The following ATAD2B variants were observed in gnomAD, a reference collection of about 807,000 sequenced individuals.
ATAD2B encodes the protein ATPase family AAA domain containing 2B.
A neutral mutation model predicts 167.6 loss-of-function variants in ATAD2B; 40 were observed. The ratio of observed to expected loss-of-function variants is 0.24; its 90% CI spans 0.19 to 0.31. The LOEUF (loss-of-function observed/expected upper bound fraction) is 0.31, where lower values mean the gene tolerates loss of function less well. Among genes scored for constraint, ATAD2B ranks in the 10% least tolerant of loss-of-function variants. The pLI, the probability that ATAD2B is intolerant of heterozygous loss-of-function variation, is 1.00. For synonymous variants in ATAD2B, 579 were observed against 596.5 expected (o/e 0.97, Z 0.43); for missense variants, 1,242 against 1,757.2 (o/e 0.71, Z 5.24).
chr2:23,723,734 A>G, the ATAD2B span, among the ~76,000 whole-genome samples: 282 of 152,260 alleles, frequency 1.9e-3, 2 homozygotes, highest in African/African-American at 5.2e-3. Flanking sequence ...AAAATGAACT[A>G]CCATATGATC....
intron 13 of ATAD2B, among the ~76,000 whole-genome samples, chr2:23,852,410 C>T (rs992300583): frequency 1.3e-5 from 2 of 152,064 alleles, no homozygotes; most frequent in Admixed American, 6.5e-5. Flanking sequence ...CAGGCATGCA[C>T]CATCACACCC....
chr2:23,706,881 A>G, the ATAD2B span: 1 of 471,508 alleles, frequency 2.1e-6, no homozygotes, highest in Non-Finnish European at 3.7e-6. Context: ...AGGAACCACG[A>G]TCCCGCCATG....
At chr2:23,872,949 G>T in intron 8 of ATAD2B, 1 of 754,754 alleles carries the variant, frequency 1.3e-6, no homozygotes. Context: ...ACCAGTCGCT[G>T]AAGCAGTTCT....
chr2:23,861,692 T>A (rs951028139), intron 12 of ATAD2B, among the ~76,000 whole-genome samples: 3 of 152,212 alleles, frequency 2.0e-5, no homozygotes, highest in African/African-American at 4.8e-5. Context: ...TTAAAATTTT[T>A]AAATTAAATC....
chr2:23,870,184 G>A (rs1287549340), intron 8 of ATAD2B, among the ~76,000 whole-genome samples: 1 of 149,994 alleles, frequency 6.7e-6, no homozygotes, highest in African/African-American at 2.5e-5. Context: ...TCCAGCCTGG[G>A]TGACAGAGCA....
chr2:23,817,184 T>C (rs1572886163), intron 17 of ATAD2B, among the ~76,000 whole-genome samples: 1 of 152,210 alleles, frequency 6.6e-6, no homozygotes, highest in Non-Finnish European at 1.5e-5. Flanking sequence ...TGCAATTCCC[T>C]AGCTACTTAT....
downstream of ATAD2B, among the ~76,000 whole-genome samples, chr2:23,744,869 T>A (rs1336869172): frequency 6.6e-6 from 1 of 152,156 alleles, no homozygotes; most frequent in Non-Finnish European, 1.5e-5. Flanking sequence ...CTCTGAAATT[T>A]TTTCTTTTCA....
At chr2:23,799,618 T>C (rs1159683025) in intron 18 of ATAD2B, among the ~76,000 whole-genome samples, 1 of 149,994 alleles carries the variant, frequency 6.7e-6, no homozygotes, top group East Asian at 1.9e-4. Context: ...TTTAAAATGA[T>C]TGGGATTATC....
intron 7 of ATAD2B, among the ~76,000 whole-genome samples, chr2:23,876,235 G>A (rs995008777): frequency 1.3e-5 from 2 of 151,488 alleles, no homozygotes; most frequent in Non-Finnish European, 2.9e-5. Flanking sequence ...CTCATCATCC[G>A]CCCACCTCGG....
intron 22 of ATAD2B, among the ~76,000 whole-genome samples, chr2:23,778,689 AG>A (rs1474577433): frequency 2.0e-5 from 3 of 152,226 alleles, no homozygotes; most frequent in South Asian, 2.1e-4. Context: ...CAATTTCATA[AG>A]GTTCAACCTA....
the ATAD2B span, among the ~76,000 whole-genome samples, chr2:23,730,611 A>G: frequency 7.7e-6 from 1 of 130,502 alleles, no homozygotes; most frequent in Admixed American, 9.4e-5. Context: ...GCTTGTAGTG[A>G]GCCGAGATCA....
At chr2:23,707,482 G>A in the ATAD2B span, 6,409 of 152,330 alleles carry the variant, frequency 0.042, 198 homozygotes, top group Middle Eastern at 0.071. Flanking sequence ...AGTGCCAGAG[G>A]GGGGCTTTTG....
the ATAD2B span, chr2:23,696,003 C>T: frequency 7.7e-6 from 12 of 1,551,658 alleles, 1 homozygote; most frequent in African/African-American, 5.5e-5. The surrounding 1 kb of genome is among the most constrained non-coding windows in gnomAD (Gnocchi z 5.5). Context: ...TGGGGATGAC[C>T]CAGCGCTCGC....
chr2:23,721,639 C>T, the ATAD2B span, among the ~76,000 whole-genome samples: 1 of 152,198 alleles, frequency 6.6e-6, no homozygotes, highest in Non-Finnish European at 1.5e-5. Context: ...AAGCAGCCCT[C>T]TGGGCCACCA....
chr2:23,777,394 G>C (rs138405210), intron 22 of ATAD2B, among the ~76,000 whole-genome samples: 3 of 82,242 alleles, frequency 3.6e-5, no homozygotes, highest in Non-Finnish European at 5.0e-5. Flanking sequence ...CTATATCTTG[G>C]TCTCAAAAGG....
rs745431277 is a variant in ATAD2B, at chr2:23,887,976, C to T, written c.428G>A (p.Ser143Asn). The T allele has an allele frequency of 4.4e-6, 7 of 1,585,096 alleles. No individual in the cohort carries two copies. The highest frequency in any genetic ancestry group is 2.7e-5 in the African/African-American group (2 of 72,906). ...PNGHSGLSLR[S>N]HPLRGEKKGD... ...CTTCTTTTCCCCTCGAAGGGGATGG[C>T]TTCGAAGGGCTACAAGAAGAGAGAT... The change falls in exon 4 of 28, where the codon AGC (serine) becomes AAC (asparagine). Residue 143 changes from serine (S) to asparagine (N), a missense_variant. By Grantham distance (46) the Ser-to-Asn change is conservative (BLOSUM62 1). This residue lies in a region of ATAD2B where 199 missense variants were observed against 194.9 expected (regional missense o/e 1.02). Transcript: ENST00000238789.
At position 23,875,855 on chromosome 2, in the gene ATAD2B, T is replaced by G; in HGVS notation, c.951A>C (p.Arg317Ser). 6.2e-7 allele frequency: 1 copy of G among 1,610,402 alleles called. No individual in the cohort carries two copies. Among genetic ancestry groups the G allele is most frequent in the Non-Finnish European group, 8.5e-7 (1 of 1,178,058 alleles). The stretch of plus-strand genomic sequence containing the variant: ...TAATATGGCTTCTTCTTGCTGGAGA[T>G]CTATGAATATCAAACAGCGTGTTTT... ...KRENTLFDIH[R>S]SPARRSHIRR... Residue 317 changes from arginine to serine, a missense_variant, in exon 8 of 28, where the codon AGA becomes AGC. By Grantham distance (110) the Arg-to-Ser change is moderately radical (BLOSUM62 -1). Around this residue, in one of 9 missense-constraint regions of ATAD2B, gnomAD observed 127 missense variants for 146.3 expected, o/e 0.87. Coordinates refer to ENST00000238789, the MANE Select transcript of ATAD2B (RefSeq NM_017552.4).
chr2:23,800,835 A>G (rs1683379975), intron 18 of ATAD2B, among the ~76,000 whole-genome samples: 1 of 152,054 alleles, frequency 6.6e-6, no homozygotes, highest in Admixed American at 6.6e-5. Context: ...AAAAATTTAT[A>G]TTTGAAAACC....
At chr2:23,914,562 C>T (rs1001018851) in intron 1 of ATAD2B, among the ~76,000 whole-genome samples, 1 of 151,904 alleles carries the variant, frequency 6.6e-6, no homozygotes, top group Non-Finnish European at 1.5e-5. Flanking sequence ...ACTCTCGGCC[C>T]GGCGCGGTGG....
Sources: gnomAD v4.1 joint callset for allele counts (sites outside exome capture counted in the v4.1 genomes callset) on GRCh38, gnomAD v4.1.1 for gene constraint, gnomAD v4.1.1 regional missense constraint, Gnocchi (gnomAD v3.1) non-coding constraint, MANE v1.5 for transcripts, NCBI Gene and HGNC (gene_info 2026-07-23, HGNC 2026-07-21) for gene names.